The following CKAP2 variants were observed in gnomAD, a reference collection of about 807,000 sequenced individuals.
CKAP2 encodes the protein cytoskeleton associated protein 2.
Under a neutral mutation model 58.4 loss-of-function variants are expected in CKAP2, and 46 were observed. That is an observed-to-expected ratio of 0.79 (90% CI 0.62 to 1.01). The LOEUF (loss-of-function observed/expected upper bound fraction) is 1.01, where lower values mean the gene tolerates loss of function less well. Ranked by LOEUF, CKAP2 falls within the 50% of genes least tolerant of loss-of-function variation. CKAP2 has a pLI of 0.00. For missense variants in CKAP2, 809 were observed against 796.4 expected, an observed-to-expected ratio of 1.02 and a Z score of -0.19; for synonymous variants, 293 against 280.9, an observed-to-expected ratio of 1.04 and a Z score of -0.43.
chr13:52,474,080 C>G lies in CKAP2; in HGVS notation c.1798C>G (p.Gln600Glu). The G allele has an allele frequency of 3.1e-6, 5 of 1,606,734 alleles. No individual in the cohort carries two copies. Among genetic ancestry groups the G allele is most frequent in the Non-Finnish European group, 4.3e-6 (5 of 1,176,142 alleles). ...KYNVSTTPYL[Q>E]SVKKKVQFDG... Reference sequence around the variant, plus strand: ...TAATGTGTCTACTACGCCATACTTGCAAAGGTAAACTTTTAAAATGTACCA... The same window carrying G: ...TAATGTGTCTACTACGCCATACTTGGAAAGGTAAACTTTTAAAATGTACCA... Residue 600 changes from glutamine (Q) to glutamate (E), a missense_variant, in exon 8 of 9, where the codon CAA becomes GAA. This residue lies in a region of CKAP2 where 283 missense variants were observed against 287.6 expected (regional missense o/e 0.98). Coordinates refer to ENST00000258607, the MANE Select transcript of CKAP2 (RefSeq NM_018204.5).
intron 2 of CKAP2, 24 bp from the exon 3 acceptor site, chr13:52,460,875 T>TTTTG: frequency 2.5e-6 from 4 of 1,603,906 alleles, no homozygotes; most frequent in South Asian, 1.1e-5. Context: ...TGATTGATCA[T>TTTTG]TTTGTTTGTT....
chr13:52,466,024 C>T (rs1007439413), intron 6 of CKAP2, among the ~76,000 whole-genome samples: 50 of 150,776 alleles, frequency 3.3e-4, no homozygotes, highest in African/African-American at 1.2e-3. Flanking sequence ...CACATATATA[C>T]ACATATACAC....
In CKAP2 at chr13:52,456,681, C is replaced by T. The variant is rs1172032088; in HGVS notation, c.155+74C>T. Reference sequence around the variant, plus strand: ...TGTCCAATGAAAATGTAAAGTAAGCCATATCTGTAATTTTAAATTTTCTAG... The same window carrying T: ...TGTCCAATGAAAATGTAAAGTAAGCTATATCTGTAATTTTAAATTTTCTAG... On this transcript the variant is annotated intron_variant, in intron 2 of 8. Coordinates refer to ENST00000258607, the MANE Select transcript of CKAP2 (RefSeq NM_018204.5). The T allele has an allele frequency of 6.1e-6, 7 of 1,153,774 alleles. No individual in the cohort carries two copies. The Admixed American group carries it at 8.8e-5, about 15-fold the overall frequency. 71.5% of individuals were successfully genotyped at this position (1,153,774 alleles called of 1,614,324 possible).
At chr13:52,455,657 G>A (rs1566095704) in intron 1 of CKAP2, 31 bp downstream of exon 1, 2 of 1,409,300 alleles carry the variant, frequency 1.4e-6, no homozygotes, top group South Asian at 1.3e-5. Context: ...GGCGGTGGCG[G>A]TGGCGGTGGC....
At chr13:52,466,831 C>T (rs758552300) in intron 6 of CKAP2, among the ~76,000 whole-genome samples, 119 of 152,026 alleles carry the variant, frequency 7.8e-4, no homozygotes, top group Non-Finnish European at 1.4e-3. Context: ...CATGATGGTT[C>T]ACGGCTGTAA....
chr13:52,470,930 C>T (rs1278794065), intron 7 of CKAP2, among the ~76,000 whole-genome samples: 4 of 152,100 alleles, frequency 2.6e-5, no homozygotes, highest in Admixed American at 6.5e-5. Flanking sequence ...GAGGCCTAGG[C>T]GGGTGGATCA....
At chr13:52,468,080 G>T (rs1958707451) in intron 6 of CKAP2, among the ~76,000 whole-genome samples, 198 bp from the exon 7 acceptor site, 1 of 151,864 alleles carries the variant, frequency 6.6e-6, no homozygotes, top group Non-Finnish European at 1.5e-5. Context: ...AAAGTGCTGG[G>T]ATTACAGGCG....
In CKAP2 at chr13:52,475,882, T is replaced by G. The variant is rs1186639723; in HGVS notation, c.*741T>G. The G allele has an allele frequency of 1.3e-5, 2 of 152,260 alleles. No individual in the cohort carries two copies. Among genetic ancestry groups the G allele is most frequent in the East Asian group, 3.8e-4 (2 of 5,206 alleles). The allele number at this position is 152,260 out of a possible 1,614,324, so 9.4% of individuals were successfully genotyped here. On this transcript the variant is annotated 3_prime_UTR_variant, in exon 9 of 9. Coordinates refer to ENST00000258607, the MANE Select transcript of CKAP2 (RefSeq NM_018204.5). Reference sequence around the variant, plus strand: ...AAGATGCCACATTTAGTGGTTTAACTTTTGTAACTTCACTTGATAGTTTTT... The same window carrying G: ...AAGATGCCACATTTAGTGGTTTAACGTTTGTAACTTCACTTGATAGTTTTT...
chr13:52,455,691 T>G (rs2137826935), intron 1 of CKAP2, 65 bp downstream of exon 1: 4 of 1,385,554 alleles, frequency 2.9e-6, no homozygotes, highest in Non-Finnish European at 2.8e-6. Flanking sequence ...GGCCCGGCGG[T>G]CGGGGCTCGG....
rs1256119974 is a variant in CKAP2 at position 52,475,380 on chromosome 13, T to C, written c.*239T>C. ...GAGTTTTTTCTTTAAGAAAGGTAAA[T>C]TTTGTCAGCTAGTTTACTATGTTCC... On this transcript the variant is annotated 3_prime_UTR_variant, in exon 9 of 9. Coordinates refer to ENST00000258607, the MANE Select transcript of CKAP2 (RefSeq NM_018204.5). 6 of 456,394 alleles carry C rather than the reference T, an allele frequency of 1.3e-5. No individual in the cohort carries two copies. The highest frequency in any genetic ancestry group is 2.3e-5 in the Non-Finnish European group (6 of 259,678). 28.3% of individuals were successfully genotyped at this position (456,394 alleles called of 1,614,324 possible).
chr13:52,463,578 C>T (rs1958617172), intron 5 of CKAP2, among the ~76,000 whole-genome samples: 1 of 152,140 alleles, frequency 6.6e-6, no homozygotes, highest in Non-Finnish European at 1.5e-5. Flanking sequence ...ACAATAGCAA[C>T]AACAAACAGC....
rs115825452 is a variant in CKAP2, at chr13:52,460,159, G to C, written c.156-740G>C. ...CAGGCATGAGCCACCACAACCAGCA[G>C]TGCATATTCTTAATGTATCCTAATA... On this transcript the variant is annotated intron_variant, in intron 2 of 8. Transcript: ENST00000258607. Among the ~76,000 whole-genome samples the C allele has an allele frequency of 7.4e-3, 1,128 of 151,972 alleles. 6 individuals carry two copies. Among genetic ancestry groups the C allele is most frequent in the African/African-American group, 0.017 (704 of 41,444 alleles).
At chr13:52,462,263 A>G (rs3803262) in intron 4 of CKAP2, 100 bp from the exon 5 acceptor site, 619,634 of 1,027,304 alleles carry the variant, frequency 0.6, 189,371 homozygotes, top group Middle Eastern at 0.69. Flanking sequence ...TATGCCATTA[A>G]AGTAAGATTA....
chr13:52,460,274 T>C (rs369012097), intron 2 of CKAP2, among the ~76,000 whole-genome samples: 39 of 152,302 alleles, frequency 2.6e-4, no homozygotes, highest in African/African-American at 9.4e-4. Context: ...GTACATCTGT[T>C]ACTAAGTACT....
rs202067031 is a variant in CKAP2, at chr13:52,460,099, TC to T, written c.156-794del. Among the ~76,000 whole-genome samples the T allele has an allele frequency of 3.6e-3, 553 of 151,928 alleles. 2 individuals are homozygous for T. The highest frequency in any genetic ancestry group is 0.012 in the African/African-American group (498 of 41,430). ...CTCTCGAACTCCTGAGCTCAAGTAA[TC>T]CCCCCACCTCGGCCTCCCAAAGTGC... is the stretch of plus-strand genomic sequence containing the variant. On this transcript the variant is annotated intron_variant, in intron 2 of 8. Transcript: ENST00000258607.
At chr13:52,459,990 G>A (rs1566097842) in intron 2 of CKAP2, among the ~76,000 whole-genome samples, 2 of 151,956 alleles carry the variant, frequency 1.3e-5, no homozygotes, top group Non-Finnish European at 2.9e-5. Flanking sequence ...CTCCCAAGTA[G>A]CTGGGACTAT....
intron 4 of CKAP2, among the ~76,000 whole-genome samples, chr13:52,462,136 A>G (rs1251692549): frequency 6.6e-6 from 1 of 152,224 alleles, no homozygotes; most frequent in African/African-American, 2.4e-5. Flanking sequence ...TCTAAGGTAA[A>G]TGCTTAATAA....
chr13:52,462,808 T>C (rs1026322054), intron 5 of CKAP2, among the ~76,000 whole-genome samples: 2 of 152,238 alleles, frequency 1.3e-5, no homozygotes, highest in African/African-American at 4.8e-5. Context: ...CATATAAATA[T>C]ACAGGTTGAG....
chr13:52,461,051 C>A lies in CKAP2; in HGVS notation c.232-7C>A. On this transcript the variant is annotated splice_region_variant and splice_polypyrimidine_tract_variant and intron_variant, in intron 3 of 8. Transcript: ENST00000258607. ...TCCTAAACACTTTTCTTAAATAATTCTTTCAGGCTGATAAAGAAAACATGA... is the reference window on the plus strand; with the variant it reads ...TCCTAAACACTTTTCTTAAATAATTATTTCAGGCTGATAAAGAAAACATGA... 3 of 1,599,912 alleles carry A rather than the reference C, an allele frequency of 1.9e-6. No individual in the cohort carries two copies. Among genetic ancestry groups the A allele is most frequent in the African/African-American group, 1.4e-5 (1 of 73,982 alleles).
Sources: allele counts gnomAD v4.1 joint callset (sites outside exome capture counted in the v4.1 genomes callset), GRCh38; gene constraint gnomAD v4.1.1; regional missense constraint gnomAD v4.1.1; transcripts MANE v1.5; gene names NCBI Gene and HGNC (gene_info 2026-07-23, HGNC 2026-07-21).